SLC41A2: variants seen among roughly 807,000 people sequenced by gnomAD.
The protein encoded by SLC41A2 is SLC41A1-like 1.
A neutral mutation model predicts 58.3 loss-of-function variants in SLC41A2; 32 were observed. That is an observed-to-expected ratio of 0.55 (90% CI 0.41 to 0.74). The LOEUF is 0.74. SLC41A2 is among the 30% of genes least tolerant of loss of function. SLC41A2 has a pLI of 0.00. For missense variants in SLC41A2, 514 were observed against 680.6 expected, an observed-to-expected ratio of 0.76 and a Z score of 2.72; for synonymous variants, 190 against 235.0, an observed-to-expected ratio of 0.81 and a Z score of 1.75.
chr12:104,879,330 T>A (rs1024579527), intron 6 of SLC41A2, among the ~76,000 whole-genome samples: 4 of 152,182 alleles, frequency 2.6e-5, no homozygotes, highest in African/African-American at 4.8e-5. Flanking sequence ...CCCATTTGTC[T>A]ATTTTGGCTT....
chr12:104,922,774 T>C (rs2046656445), intron 2 of SLC41A2, among the ~76,000 whole-genome samples: 2 of 152,170 alleles, frequency 1.3e-5, no homozygotes. Context: ...GATTATATCT[T>C]AAGCCACAAA....
chr12:104,943,967 C>A (rs1435152372), intron 1 of SLC41A2, among the ~76,000 whole-genome samples: 1 of 152,130 alleles, frequency 6.6e-6, no homozygotes, highest in East Asian at 1.9e-4. Context: ...GCATTCGAGG[C>A]AGCAACGGCT....
intron 6 of SLC41A2, among the ~76,000 whole-genome samples, chr12:104,867,036 G>T (rs548453307): frequency 6.6e-6 from 1 of 152,048 alleles, no homozygotes; most frequent in African/African-American, 2.4e-5. Context: ...AATAGGGAGA[G>T]CCGGAAGAAA....
At chr12:104,853,911 A>ATTATTATTATTATTATTATTTTTTTTT in intron 8 of SLC41A2, among the ~76,000 whole-genome samples, 5 of 59,494 alleles carry the variant, frequency 8.4e-5, no homozygotes, top group Non-Finnish European at 1.6e-4. Context: ...TGCCTGGCTG[A>ATTATTATTATTATTATTATTTTTTTTT]TTTTTTTTTT....
intron 1 of SLC41A2, among the ~76,000 whole-genome samples, chr12:104,940,091 G>A (rs912170699): frequency 5.9e-5 from 9 of 151,368 alleles, no homozygotes; most frequent in African/African-American, 1.5e-4. Context: ...TCGGCTCACC[G>A]CAACCTCTGC....
At chr12:104,851,935 C>G (rs2042815739) in intron 8 of SLC41A2, 1 of 152,028 alleles carries the variant, frequency 6.6e-6, no homozygotes, top group South Asian at 2.1e-4. Flanking sequence ...AAAAAATAAA[C>G]AAACAATTAG....
At chr12:104,895,384 T>A (rs777329203) in intron 3 of SLC41A2, 39 bp from the exon 4 acceptor site, 3 of 1,416,606 alleles carry the variant, frequency 2.1e-6, no homozygotes, top group Non-Finnish European at 3.0e-6. Context: ...CTGAAGAAAA[T>A]CTACATGTTC....
chr12:104,943,974 G>C (rs1393818312), intron 1 of SLC41A2, among the ~76,000 whole-genome samples: 1 of 152,100 alleles, frequency 6.6e-6, no homozygotes, highest in Non-Finnish European at 1.5e-5. Flanking sequence ...AGGCAGCAAC[G>C]GCTACCCTTT....
chr12:104,896,531 T>C (rs1200191279), intron 3 of SLC41A2, among the ~76,000 whole-genome samples: 1 of 152,138 alleles, frequency 6.6e-6, no homozygotes, highest in African/African-American at 2.4e-5. Context: ...GTTCAAGAAA[T>C]AGGAATGAGT....
intron 1 of SLC41A2, among the ~76,000 whole-genome samples, chr12:104,945,654 A>G (rs1350771647): frequency 6.6e-6 from 1 of 152,250 alleles, no homozygotes; most frequent in Non-Finnish European, 1.5e-5. Context: ...CATATTGGAC[A>G]TACTGCTTTG....
Position 104,886,446 on chromosome 12 carries a change from G to C in SLC41A2, c.881-7C>G. 6.2e-7 allele frequency: 1 copy of C among 1,610,800 alleles called. No homozygotes were observed. Among genetic ancestry groups the C allele is most frequent in the Non-Finnish European group, 8.5e-7 (1 of 1,177,914 alleles). Reference sequence around the variant, plus strand: ...ACCCCAACCATTATTATTCCTAGAAGAAAGAATGTTCATTACTTTTTAGGC... The same window carrying C: ...ACCCCAACCATTATTATTCCTAGAACAAAGAATGTTCATTACTTTTTAGGC... On this transcript the variant is annotated splice_polypyrimidine_tract_variant and splice_region_variant and intron_variant, in intron 5 of 10. Transcript: ENST00000258538.
chr12:104,852,400 C>A (rs1232397012), intron 8 of SLC41A2, among the ~76,000 whole-genome samples: 3 of 152,164 alleles, frequency 2.0e-5, no homozygotes, highest in Non-Finnish European at 4.4e-5. Flanking sequence ...CGTATATCTA[C>A]TCTACAACTG....
At chr12:104,933,721 T>C (rs2047157234) in intron 1 of SLC41A2, among the ~76,000 whole-genome samples, 1 of 151,364 alleles carries the variant, frequency 6.6e-6, no homozygotes, top group Non-Finnish European at 1.5e-5. Flanking sequence ...ATATACACCA[T>C]GAAATACTGC....
intron 10 of SLC41A2, among the ~76,000 whole-genome samples, chr12:104,807,500 A>T (rs1404062265): frequency 6.6e-6 from 1 of 152,180 alleles, no homozygotes; most frequent in Non-Finnish European, 1.5e-5. Flanking sequence ...AGGTAGTGTG[A>T]TGCCTCCAGC....
At chr12:104,838,318 C>T (rs1246915600) in intron 10 of SLC41A2, among the ~76,000 whole-genome samples, 2 of 152,120 alleles carry the variant, frequency 1.3e-5, no homozygotes, top group Non-Finnish European at 2.9e-5. Context: ...ATTTATAAAA[C>T]AGAAATACTT....
Position 104,853,655 on chromosome 12 carries a change from C to A in SLC41A2, c.1255+7636G>T, listed in dbSNP as rs1226914765. ...GACAAGGTGGTAAATGGCTGACGAA[C>A]TCTCTAAATTTTCTACTTCCTTTAC... On this transcript the variant is annotated intron_variant, in intron 8 of 10. Transcript: ENST00000258538. 2.0e-5 allele frequency among the ~76,000 whole-genome samples: 3 copies of A among 152,044 alleles called. No homozygotes were observed. The East Asian group carries it at 5.8e-4, about 29-fold the overall frequency.
chr12:104,904,188 A>G (rs1340616760), intron 3 of SLC41A2, among the ~76,000 whole-genome samples: 1 of 152,190 alleles, frequency 6.6e-6, no homozygotes, highest in African/African-American at 2.4e-5. Context: ...ATACTTTTGA[A>G]ATATTTTCTT....
In SLC41A2 at chr12:104,936,941, G is replaced by C. The variant is rs900308040; in HGVS notation, c.-167-8247C>G. Among the ~76,000 whole-genome samples, 5 of 152,154 alleles carry C rather than the reference G, an allele frequency of 3.3e-5. No homozygotes were observed. The South Asian group carries it at 1.0e-3, about 31-fold the overall frequency. On this transcript the variant is annotated intron_variant, in intron 1 of 10. Coordinates refer to ENST00000258538, the MANE Select transcript of SLC41A2 (RefSeq NM_001352171.3). ...AAAGTCAATATTTTTAATATTTAAA[G>C]TTTATAAAGTAAAAATGTTACAGGC...
chr12:104,828,466 C>T lies in SLC41A2; in HGVS notation c.1536+16006G>A, dbSNP rs1052646770. Among the ~76,000 whole-genome samples the T allele has an allele frequency of 3.9e-5, 6 of 152,282 alleles. 1 individual carries two copies. Among genetic ancestry groups the T allele is most frequent in the Admixed American group, 1.3e-4 (2 of 15,302 alleles). On this transcript the variant is annotated intron_variant, in intron 10 of 10. Coordinates refer to ENST00000258538, the MANE Select transcript of SLC41A2 (RefSeq NM_001352171.3). ...AGGAGTCTAACTGAGCTAACATAAACCATCTACGGATAGCTAAACTAAAAG... is the reference window on the plus strand; with the variant it reads ...AGGAGTCTAACTGAGCTAACATAAATCATCTACGGATAGCTAAACTAAAAG...
Sources: allele counts gnomAD v4.1 joint callset (sites outside exome capture counted in the v4.1 genomes callset), GRCh38; gene constraint gnomAD v4.1.1; transcripts MANE v1.5; gene names NCBI Gene and HGNC (gene_info 2026-07-23, HGNC 2026-07-21).